Variants in RFX4 observed in about 807,000 individuals in gnomAD.
The protein encoded by RFX4 is regulatory factor X4.
Under a neutral mutation model 95.0 loss-of-function variants are expected in RFX4, and 10 were observed. The ratio of observed to expected loss-of-function variants is 0.11; its 90% confidence interval spans 0.06 to 0.18. The LOEUF (loss-of-function observed/expected upper bound fraction) is 0.18. Among genes scored for constraint, RFX4 ranks in the 10% least tolerant of loss-of-function variants. The probability of loss-of-function intolerance (pLI) is 1.00; values close to 1 mark genes in which losing one functional copy is unlikely to be tolerated. For missense variants in RFX4, 640 were observed against 922.0 expected (o/e 0.69, Z 3.96); for synonymous variants, 321 against 340.7 (o/e 0.94, Z 0.64).
intron 3 of RFX4, among the ~76,000 whole-genome samples, chr12:106,651,433 G>GAT (rs1181273898): frequency 6.6e-6 from 1 of 152,128 alleles, no homozygotes; most frequent in Non-Finnish European, 1.5e-5. Context: ...CACCTAGTAA[G>GAT]AGCTCAACAG....
intron 1 of RFX4, among the ~76,000 whole-genome samples, chr12:106,589,821 C>T (rs1284844896): frequency 2.6e-5 from 4 of 152,306 alleles, no homozygotes; most frequent in South Asian, 4.1e-4. Context: ...CCTGTGACTC[C>T]GCCTTTAAGG....
intron 17 of RFX4, among the ~76,000 whole-genome samples, chr12:106,754,292 C>T (rs920602890): frequency 4.6e-5 from 7 of 152,234 alleles, no homozygotes; most frequent in African/African-American, 7.2e-5. Context: ...GTGCTCCTCA[C>T]TGTGATCCAC....
intron 2 of RFX4, among the ~76,000 whole-genome samples, chr12:106,631,864 C>A (rs2040421834): frequency 6.6e-6 from 1 of 152,228 alleles, no homozygotes; most frequent in South Asian, 2.1e-4. Context: ...AGTGAATAAC[C>A]CTGTCCCTGC....
At chr12:106,704,825 G>A (rs1807004071) in intron 8 of RFX4, among the ~76,000 whole-genome samples, 1 of 152,044 alleles carries the variant, frequency 6.6e-6, no homozygotes, top group Admixed American at 6.6e-5. Context: ...ATGTGTGTGT[G>A]TGCATGTGTG....
intron 4 of RFX4, among the ~76,000 whole-genome samples, chr12:106,678,031 A>G (rs140065550): frequency 1.3e-5 from 2 of 152,364 alleles, no homozygotes; most frequent in South Asian, 2.1e-4. Context: ...TTCAAAAAGA[A>G]TAAGTAAAAA....
At chr12:106,649,938 C>T (rs1287098908) in intron 3 of RFX4, among the ~76,000 whole-genome samples, 1 of 152,182 alleles carries the variant, frequency 6.6e-6, no homozygotes, top group African/African-American at 2.4e-5. Context: ...ACAACCATTG[C>T]TTCAGTTCAT....
At chr12:106,662,777 G>A (rs1271150269) in intron 4 of RFX4, among the ~76,000 whole-genome samples, 2 of 151,990 alleles carry the variant, frequency 1.3e-5, no homozygotes, top group African/African-American at 4.8e-5. Flanking sequence ...TTTTTTGCAT[G>A]TGTATATTCA....
intron 15 of RFX4, among the ~76,000 whole-genome samples, chr12:106,745,205 A>C (rs1393463889): frequency 3.9e-5 from 6 of 152,020 alleles, no homozygotes; most frequent in Non-Finnish European, 8.8e-5. Context: ...ATATTGCTAT[A>C]CACTCCCTTA....
At chr12:106,662,012 C>T (rs967033902) in intron 4 of RFX4, among the ~76,000 whole-genome samples, 2 of 151,596 alleles carry the variant, frequency 1.3e-5, no homozygotes, top group African/African-American at 4.9e-5. Context: ...ATGAATACAG[C>T]TGCTATAAAT....
intron 17 of RFX4, among the ~76,000 whole-genome samples, chr12:106,758,990 A>G (rs2043161864): frequency 6.6e-6 from 1 of 152,222 alleles, no homozygotes; most frequent in Non-Finnish European, 1.5e-5. Context: ...AGCACCTGCT[A>G]GGTGCTAGGC....
chr12:106,668,293 A>G (rs1180199367), intron 4 of RFX4, among the ~76,000 whole-genome samples: 1 of 152,198 alleles, frequency 6.6e-6, no homozygotes, highest in Admixed American at 6.5e-5. Flanking sequence ...TAAGGGAAGA[A>G]AGGTCAAAGC....
chr12:106,760,866 G>A (rs993587985), intron 17 of RFX4, among the ~76,000 whole-genome samples: 5 of 152,080 alleles, frequency 3.3e-5, no homozygotes, highest in Non-Finnish European at 5.9e-5. Context: ...GTATGTGTGT[G>A]TGTGACAAAC....
intron 3 of RFX4, 41 bp downstream of exon 3, chr12:106,639,433 C>T: frequency 8.4e-6 from 13 of 1,549,112 alleles, no homozygotes; most frequent in Non-Finnish European, 1.1e-5. Flanking sequence ...TCAGAGGATG[C>T]TCATATCTTC....
intron 9 of RFX4, among the ~76,000 whole-genome samples, chr12:106,710,446 G>A (rs1010977110): frequency 6.6e-6 from 1 of 152,132 alleles, no homozygotes; most frequent in Non-Finnish European, 1.5e-5. Flanking sequence ...TGATCAGCCT[G>A]GAAAATTAGA....
At chr12:106,731,087 T>C (rs2042604273) in intron 13 of RFX4, among the ~76,000 whole-genome samples, 1 of 151,604 alleles carries the variant, frequency 6.6e-6, no homozygotes, top group South Asian at 2.1e-4. Flanking sequence ...AGGTGAGAAG[T>C]TTTGGACATT....
intron 17 of RFX4, among the ~76,000 whole-genome samples, chr12:106,753,866 A>C (rs1217259661): frequency 6.6e-6 from 1 of 152,190 alleles, no homozygotes; most frequent in Non-Finnish European, 1.5e-5. Context: ...GAAGCTACGG[A>C]GTGGTAAGAT....
At chr12:106,757,491 T>TG (rs2043129745) in intron 17 of RFX4, among the ~76,000 whole-genome samples, 1 of 144,462 alleles carries the variant, frequency 6.9e-6, no homozygotes, top group South Asian at 2.2e-4. Context: ...CAGGTTGGAG[T>TG]GAGCTGAAAT....
intron 13 of RFX4, among the ~76,000 whole-genome samples, chr12:106,725,103 T>A (rs2042468259): frequency 6.6e-6 from 1 of 152,082 alleles, no homozygotes; most frequent in Non-Finnish European, 1.5e-5. Context: ...ATAAATTACC[T>A]AGGCTTAATG....
At chr12:106,710,780 G>T (rs1830000572) in intron 9 of RFX4, among the ~76,000 whole-genome samples, 1 of 152,190 alleles carries the variant, frequency 6.6e-6, no homozygotes, top group Non-Finnish European at 1.5e-5. Flanking sequence ...CAACCACTCT[G>T]TAAGAATGAA....
Sources: allele counts gnomAD v4.1 joint callset (sites outside exome capture counted in the v4.1 genomes callset), GRCh38; gene constraint gnomAD v4.1.1; transcripts MANE v1.5; gene names NCBI Gene and HGNC (gene_info 2026-07-23, HGNC 2026-07-21).